Variants in ITPR2 observed in about 807,000 individuals in gnomAD.
The protein encoded by ITPR2 is inositol 1,4,5-trisphosphate-gated calcium channel ITPR2.
A neutral mutation model predicts 317.1 loss-of-function variants in ITPR2; 207 were observed. The ratio of observed to expected loss-of-function variants is 0.65; its 90% confidence interval spans 0.58 to 0.73. The LOEUF (loss-of-function observed/expected upper bound fraction) is 0.73, where lower values mean the gene tolerates loss of function less well. ITPR2 is among the 30% of genes least tolerant of loss of function. ITPR2 has a pLI of 0.00. For missense variants in ITPR2, 2,613 were observed against 3,284.0 expected (o/e 0.80, Z 4.99); for synonymous variants, 1,156 against 1,149.1 (o/e 1.01, Z -0.12).
At chr12:26,416,872 G>A (rs1337822104) in intron 50 of ITPR2, among the ~76,000 whole-genome samples, 1 of 152,112 alleles carries the variant, frequency 6.6e-6, no homozygotes, top group African/African-American at 2.4e-5. Flanking sequence ...AAAAAATCTG[G>A]CAATGTGCTG....
intron 24 of ITPR2, among the ~76,000 whole-genome samples, chr12:26,622,761 G>T (rs1946529415): frequency 6.6e-6 from 1 of 152,172 alleles, no homozygotes; most frequent in African/African-American, 2.4e-5. Context: ...GTACACCGAT[G>T]ACTGATTTCC....
At chr12:26,469,611 T>C (rs1402526585) in intron 45 of ITPR2, among the ~76,000 whole-genome samples, 1 of 152,186 alleles carries the variant, frequency 6.6e-6, no homozygotes, top group Non-Finnish European at 1.5e-5. Flanking sequence ...TCTGGTTCAT[T>C]GTCTACTCTT....
chr12:26,621,349 T>C, intron 25 of ITPR2, 53 bp from the exon 26 acceptor site: 12 of 1,375,240 alleles, frequency 8.7e-6, no homozygotes, highest in South Asian at 1.3e-5. Context: ...CTAGAATATT[T>C]ATGAATATTT....
chr12:26,686,391 T>C (rs1948124907), intron 11 of ITPR2, 90 bp downstream of exon 11: 21 of 785,946 alleles, frequency 2.7e-5, no homozygotes, highest in Non-Finnish European at 3.7e-5. Flanking sequence ...TCCCTTGATA[T>C]CATAAAAATA....
chr12:26,345,746 G>A (rs938636497), intron 55 of ITPR2, among the ~76,000 whole-genome samples: 1 of 152,146 alleles, frequency 6.6e-6, no homozygotes, highest in Non-Finnish European at 1.5e-5. Flanking sequence ...TCTGAGCAGG[G>A]GAAGAGGAAG....
chr12:26,832,676 C>G lies in ITPR2; in HGVS notation c.92+14G>C, dbSNP rs763392562. ...CGGAGCGCGAGCGCTGCCCAGCCCT[C>G]GTCTCCCGCTTACCCCAAGGTGCTG... On this transcript the variant is annotated intron_variant, in intron 1 of 56. Transcript: ENST00000381340. The G allele has an allele frequency of 1.9e-6, 3 of 1,583,856 alleles. No individual in the cohort carries two copies. The East Asian group carries it at 7.2e-5, about 38-fold the overall frequency.
chr12:26,523,785 C>T (rs1943731239), intron 37 of ITPR2, among the ~76,000 whole-genome samples: 1 of 152,240 alleles, frequency 6.6e-6, no homozygotes, highest in South Asian at 2.1e-4. Flanking sequence ...CATGCAGACT[C>T]ACGGATCGTT....
chr12:26,828,587 T>C (rs1453728191), intron 1 of ITPR2, among the ~76,000 whole-genome samples: 1 of 152,174 alleles, frequency 6.6e-6, no homozygotes, highest in Non-Finnish European at 1.5e-5. Context: ...AAGCATCAGA[T>C]GTTATATTCC....
intron 54 of ITPR2, among the ~76,000 whole-genome samples, chr12:26,396,839 A>G (rs577004402): frequency 1.3e-5 from 2 of 152,232 alleles, no homozygotes; most frequent in African/African-American, 2.4e-5. Context: ...CTCAAGCTCA[A>G]TCACTTGTTA....
At chr12:26,715,248 C>A (rs769198443) in intron 8 of ITPR2, 51 bp downstream of exon 8, 9 of 1,467,216 alleles carry the variant, frequency 6.1e-6, no homozygotes, top group Non-Finnish European at 6.6e-6. Context: ...CCCAGTGAAT[C>A]TTCTCTTTTT....
intron 37 of ITPR2, among the ~76,000 whole-genome samples, chr12:26,537,067 G>A (rs1235611525): frequency 6.6e-6 from 1 of 152,170 alleles, no homozygotes; most frequent in Non-Finnish European, 1.5e-5. Flanking sequence ...GAAGCTGGAG[G>A]GACCGCTTAG....
chr12:26,505,546 G>A (rs2220168), intron 37 of ITPR2, among the ~76,000 whole-genome samples: 11,412 of 151,960 alleles, frequency 0.075, 595 homozygotes, highest in Middle Eastern at 0.16. Flanking sequence ...CTCTCTAACC[G>A]CACCAAGTCA....
rs1937996575 is a variant in ITPR2 at position 26,338,532 on chromosome 12, C to T, written c.*865G>A. The T allele has an allele frequency of 6.6e-6, 1 of 152,484 alleles. No individual in the cohort carries two copies. Among genetic ancestry groups the T allele is most frequent in the Non-Finnish European group, 1.5e-5 (1 of 68,032 alleles). 9.4% of individuals were successfully genotyped at this position (152,484 alleles called of 1,614,324 possible). ...CACCATCATAAGTTTCTCAATAATT[C>T]CTATCACTTTTAAGCATTTTCATGT... On this transcript the variant is annotated 3_prime_UTR_variant, in exon 57 of 57. Transcript: ENST00000381340.
rs1442438581 is a variant in ITPR2, at chr12:26,556,565, TTTGTGTGTG to T, written c.4822-199_4822-191del. On this transcript the variant is annotated intron_variant, in intron 35 of 56. Transcript: ENST00000381340. ...TATTGCCTGGGTCTCTATTTTTTTT[TTTGTGTGTG>T]TGTGTGTGTGTGTGTGTGTGTTTTT... Among the ~76,000 whole-genome samples, 12 of 105,300 alleles carry T rather than the reference TTTGTGTGTG, an allele frequency of 1.1e-4. No individual in the cohort carries two copies. The South Asian group carries it at 2.9e-3, about 26-fold the overall frequency. The allele number at this position is 105,300 out of a possible 152,430, so 69.1% of individuals were successfully genotyped here. A position where few individuals can be genotyped will look rare whatever the true frequency, so the allele number is the denominator to read the frequency against.
chr12:26,430,001 G>C (rs2136706764), intron 48 of ITPR2, among the ~76,000 whole-genome samples: 1 of 152,304 alleles, frequency 6.6e-6, no homozygotes, highest in Non-Finnish European at 1.5e-5. Flanking sequence ...GGTTTGCTGA[G>C]ATATCCCCTT....
intron 2 of ITPR2, among the ~76,000 whole-genome samples, chr12:26,747,892 C>T (rs560090487): frequency 1.3e-5 from 2 of 152,146 alleles, no homozygotes; most frequent in South Asian, 4.1e-4. Context: ...AGACAAAATT[C>T]GCTGCCCCAA....
chr12:26,529,419 G>C (rs1217554224), intron 37 of ITPR2, among the ~76,000 whole-genome samples: 1 of 152,168 alleles, frequency 6.6e-6, no homozygotes, highest in African/African-American at 2.4e-5. Flanking sequence ...GGTGTGTGCT[G>C]TTTCCTCTGC....
At chr12:26,686,425 C>T in intron 11 of ITPR2, 56 bp downstream of exon 11, 1 of 1,143,752 alleles carries the variant, frequency 8.7e-7, no homozygotes, top group African/African-American at 1.6e-5. Flanking sequence ...ATTTTCATTC[C>T]TCACCTACTG....
intron 45 of ITPR2, among the ~76,000 whole-genome samples, chr12:26,448,587 C>T (rs1169971247): frequency 6.6e-6 from 1 of 152,076 alleles, no homozygotes; most frequent in Admixed American, 6.6e-5. Flanking sequence ...ATTAAAGTCT[C>T]ATAACAATGC....
Sources: allele counts gnomAD v4.1 joint callset (sites outside exome capture counted in the v4.1 genomes callset), GRCh38; gene constraint gnomAD v4.1.1; transcripts MANE v1.5; gene names NCBI Gene and HGNC (gene_info 2026-07-23, HGNC 2026-07-21).